KIF13A: variants seen among roughly 807,000 people sequenced by gnomAD.
KIF13A encodes kinesin family member 13A.
KIF13A carries 79 observed loss-of-function variants against 212.2 expected under a neutral mutation model. The ratio of observed to expected loss-of-function variants is 0.37; its 90% CI spans 0.31 to 0.45. The LOEUF (loss-of-function observed/expected upper bound fraction) is 0.45. KIF13A is among the 20% of genes least tolerant of loss of function. The probability of loss-of-function intolerance (pLI) is 1.00; values close to 1 mark genes in which losing one functional copy is unlikely to be tolerated. For missense variants in KIF13A, 1,901 were observed against 2,209.0 expected (o/e 0.86, Z 2.79); for synonymous variants, 789 against 808.6 (o/e 0.98, Z 0.41).
rs1397983521 is a variant in KIF13A, at chr6:17,817,184, T to C, written c.1836A>G (p.Glu612=). Residue 612 remains glutamate (E), a synonymous_variant, in exon 17 of 39, where the codon GAA becomes GAG. Transcript: ENST00000259711. ...GCTGCTCCTCTAGGGCACTTCTCTT[T>C]TCTTCTAGGTATTGTTTCTCCAGGA... ...VQVLEKQYLE[E]KRSALEEQRL... The C allele has an allele frequency of 1.9e-6, 3 of 1,614,046 alleles. No individual in the cohort carries two copies. The highest frequency in any genetic ancestry group is 4.5e-5 in the East Asian group (2 of 44,884).
chr6:17,834,168 T>C lies in KIF13A; in HGVS notation c.1156-97A>G, dbSNP rs1376952231. On this transcript the variant is annotated intron_variant, in intron 11 of 38. Coordinates refer to ENST00000259711, the MANE Select transcript of KIF13A (RefSeq NM_022113.6). The surrounding 1 kb of genome is among the most constrained non-coding windows in gnomAD (Gnocchi z 4.0). The stretch of plus-strand genomic sequence containing the variant: ...GTCCCTCTTAAGCAGTTATCAATAG[T>C]CTGTTGGAAAAAATTAAGTTATATG... The C allele has an allele frequency of 1.4e-6, 1 of 724,998 alleles. No homozygotes were observed. Among genetic ancestry groups the C allele is most frequent in the Non-Finnish European group, 2.2e-6 (1 of 456,818 alleles). The allele number at this position is 724,998 out of a possible 1,614,324, so 44.9% of individuals were successfully genotyped here. A position where few individuals can be genotyped will look rare whatever the true frequency, so the allele number is the denominator to read the frequency against.
chr6:17,866,828 C>CATAT (rs60217235), intron 4 of KIF13A, among the ~76,000 whole-genome samples: 265 of 22,824 alleles, frequency 0.012, 25 homozygotes, highest in African/African-American at 0.024. Flanking sequence ...AAAAGCAGCG[C>CATAT]ATATATATAT....
intron 3 of KIF13A, among the ~76,000 whole-genome samples, chr6:17,878,754 T>C (rs1397552359): frequency 6.6e-6 from 1 of 152,212 alleles, no homozygotes; most frequent in Admixed American, 6.5e-5. Context: ...GAGTTAATCA[T>C]TTAAAGTTGT....
chr6:17,852,319 T>C (rs1215273316), intron 6 of KIF13A, among the ~76,000 whole-genome samples: 1 of 152,224 alleles, frequency 6.6e-6, no homozygotes, highest in African/African-American at 2.4e-5. Context: ...AGTTATACTT[T>C]GGGGAGGATT....
chr6:17,775,935 G>A (rs1335483347), intron 34 of KIF13A, among the ~76,000 whole-genome samples: 1 of 152,028 alleles, frequency 6.6e-6, no homozygotes, highest in Non-Finnish European at 1.5e-5. Flanking sequence ...AGGCTGGAGT[G>A]CAATGGCGCA....
At chr6:17,859,636 A>ATTTTTTTTTTTTTT (rs1204467896) in intron 4 of KIF13A, among the ~76,000 whole-genome samples, 1 of 111,074 alleles carries the variant, frequency 9.0e-6, no homozygotes, top group Non-Finnish European at 1.9e-5. Flanking sequence ...ATATATATAT[A>ATTTTTTTTTTTTTT]TATTTTTTTT....
chr6:17,805,415 A>C, intron 19 of KIF13A, 60 bp downstream of exon 19: 11 of 1,225,930 alleles, frequency 9.0e-6, no homozygotes, highest in South Asian at 2.6e-5. Context: ...GTGTTGCTAA[A>C]TCGCTTATAT....
At chr6:17,765,330 A>T in intron 38 of KIF13A, among the ~76,000 whole-genome samples, 1 of 152,212 alleles carries the variant, frequency 6.6e-6, no homozygotes. Flanking sequence ...ATGAGCAGAG[A>T]AACAGGCAGA....
At position 17,775,023 on chromosome 6, in the gene KIF13A, C is replaced by G; in HGVS notation, c.4210G>C (p.Asp1404His). ...TGCCCATAGGTGCATACCTTGTCAT[C>G]TTCATCAAAGCCAGAAAGGTCCGGT... is the stretch of plus-strand genomic sequence containing the variant. ...SRPDLSGFDE[D>H]DKGWPENQLD... The change falls in exon 35 of 39, where the codon GAT (aspartate) becomes CAT (histidine). Residue 1404 changes from aspartate (D) to histidine (H), a missense_variant. Coordinates refer to ENST00000259711, the MANE Select transcript of KIF13A (RefSeq NM_022113.6). The G allele has an allele frequency of 6.2e-7, 1 of 1,611,452 alleles. No individual in the cohort carries two copies.
Position 17,899,560 on chromosome 6 carries a change from C to T in KIF13A, c.147-1380G>A, listed in dbSNP as rs185895355. 3.6e-4 allele frequency among the ~76,000 whole-genome samples: 55 copies of T among 152,236 alleles called. No individual in the cohort carries two copies. The highest frequency in any genetic ancestry group is 6.2e-4 in the South Asian group (3 of 4,822). ...AATCACATGCATAATTCTACGCTTT[C>T]GAGTGCAGGGAAGAAAAATCATCCC... is the stretch of plus-strand genomic sequence containing the variant. On this transcript the variant is annotated intron_variant, in intron 2 of 38. Coordinates refer to ENST00000259711, the MANE Select transcript of KIF13A (RefSeq NM_022113.6). The surrounding 1 kb of genome is among the most constrained non-coding windows in gnomAD (Gnocchi z 5.2).
rs56785510 is a variant in KIF13A, at chr6:17,804,811, TAAAAAAAAAAAAAAA to T, written c.2305-316_2305-302del. 4.3e-4 allele frequency among the ~76,000 whole-genome samples: 10 copies of T among 23,302 alleles called. 1 individual carries two copies. The East Asian group carries it at 0.012, about 28-fold the overall frequency. The allele number at this position is 23,302 out of a possible 152,430, so 15.3% of individuals were successfully genotyped here. A position where few individuals can be genotyped will look rare whatever the true frequency, so the allele number is the denominator to read the frequency against. ...TGACAGAGCGAGACTCTGTCTCCAT[TAAAAAAAAAAAAAAA>T]AAAAAAAAAAAAAAAAAAAGAATTA... On this transcript the variant is annotated intron_variant, in intron 19 of 38. Coordinates refer to ENST00000259711, the MANE Select transcript of KIF13A (RefSeq NM_022113.6).
chr6:17,805,418 G>A, intron 19 of KIF13A, 57 bp downstream of exon 19: 9 of 1,161,558 alleles, frequency 7.7e-6, no homozygotes, highest in African/African-American at 1.6e-5. Flanking sequence ...TTGCTAAATC[G>A]CTTATATTCT....
intron 2 of KIF13A, among the ~76,000 whole-genome samples, chr6:17,948,663 G>T (rs1245291869): frequency 1.4e-5 from 2 of 139,504 alleles, no homozygotes; most frequent in Non-Finnish European, 3.0e-5. Context: ...CCAGGTTCAA[G>T]CGATTCTCTG....
intron 16 of KIF13A, among the ~76,000 whole-genome samples, chr6:17,822,431 C>T (rs1054005404): frequency 2.6e-5 from 4 of 152,180 alleles, no homozygotes; most frequent in Non-Finnish European, 5.9e-5. Flanking sequence ...TAACACTGTG[C>T]ACCAGGCCAC....
At position 17,873,385 on chromosome 6, in the gene KIF13A, T is replaced by A. The variant is rs1012630170; in HGVS notation, c.212A>T (p.Lys71Ile). 2 of 1,595,954 alleles carry A rather than the reference T, an allele frequency of 1.3e-6. No homozygotes were observed. The highest frequency in any genetic ancestry group is 1.7e-6 in the Non-Finnish European group (2 of 1,170,446). The change falls in exon 4 of 39, where the codon AAA becomes ATA. Residue 71 changes from lysine (K) to isoleucine (I), a missense_variant. Lys to Ile is a moderately radical substitution (Grantham distance 102). This residue lies in a region of KIF13A where 506 missense variants were observed against 637.4 expected (regional missense o/e 0.79). Coordinates refer to ENST00000259711, the MANE Select transcript of KIF13A (RefSeq NM_022113.6). ...AGAGGGAGAAAACTTACCAGCGTAT[T>A]TTGTAGTGTTAGATTCATCCATGGA... Reference protein sequence around the residue: ...FWSMDESNTTKYAGQEVVFKC... With the variant: ...FWSMDESNTTIYAGQEVVFKC...
At chr6:17,831,267 T>A (rs373370891) in intron 12 of KIF13A, 32 bp from the exon 13 acceptor site, 288 of 1,596,608 alleles carry the variant, frequency 1.8e-4, no homozygotes, top group Non-Finnish European at 2.4e-4. Flanking sequence ...AGAAGGAAAC[T>A]CTGTTTGTTG....
chr6:17,801,111 C>T (rs1233868185), intron 20 of KIF13A, among the ~76,000 whole-genome samples: 1 of 152,028 alleles, frequency 6.6e-6, no homozygotes, highest in Non-Finnish European at 1.5e-5. Flanking sequence ...TTCATTTGAC[C>T]AAACAGCTAG....
rs1163200117 is a variant in KIF13A, at chr6:17,771,508, C to T, written c.4477-290G>A. ...TTGGGAGGCTGGGGCAAAAGAATCACTTGAGGCCAGGAGTTTCAGACCAGC... is the reference window on the plus strand; with the variant it reads ...TTGGGAGGCTGGGGCAAAAGAATCATTTGAGGCCAGGAGTTTCAGACCAGC... On this transcript the variant is annotated intron_variant, in intron 37 of 38. Transcript: ENST00000259711. This position sits in a 1 kb window ranked among gnomAD's most constrained non-coding sequence, Gnocchi z 5.4. 3 of 412,878 alleles carry T rather than the reference C, an allele frequency of 7.3e-6. No individual in the cohort carries two copies. The East Asian group carries it at 1.3e-4, about 17-fold the overall frequency. The allele number at this position is 412,878 out of a possible 1,614,324, so 25.6% of individuals were successfully genotyped here. A position where few individuals can be genotyped will look rare whatever the true frequency, so the allele number is the denominator to read the frequency against.
Position 17,849,832 on chromosome 6 carries a change from A to G in KIF13A, c.718-343T>C, listed in dbSNP as rs1200625215. Among the ~76,000 whole-genome samples the G allele has an allele frequency of 6.6e-6, 1 of 152,156 alleles. No individual in the cohort carries two copies. The highest frequency in any genetic ancestry group is 2.4e-5 in the African/African-American group (1 of 41,424). ...GTCAAATCCTTCTTCCTTTGAAAAA[A>G]GGTTTAGGCTAAAGGTTGTGGTGTC... is the stretch of plus-strand genomic sequence containing the variant. On this transcript the variant is annotated intron_variant, in intron 8 of 38. Transcript: ENST00000259711. This position sits in a 1 kb window ranked among gnomAD's most constrained non-coding sequence, Gnocchi z 5.7.
Sources: allele counts gnomAD v4.1 joint callset (sites outside exome capture counted in the v4.1 genomes callset), GRCh38; gene constraint gnomAD v4.1.1; regional missense constraint gnomAD v4.1.1; non-coding constraint Gnocchi (gnomAD v3.1); transcripts MANE v1.5; gene names NCBI Gene and HGNC (gene_info 2026-07-23, HGNC 2026-07-21).